Variants in CPAMD8 observed in about 807,000 individuals in gnomAD.
CPAMD8 encodes C3 and PZP like alpha-2-macroglobulin domain containing 8.
CPAMD8 carries 146 observed loss-of-function variants against 224.7 expected under a neutral mutation model. That is an observed-to-expected ratio of 0.65 (90% CI 0.57 to 0.75). CPAMD8 has a LOEUF of 0.75. Among genes scored for constraint, CPAMD8 ranks in the 30% least tolerant of loss-of-function variants. The pLI is 0.00. For missense variants in CPAMD8, 2,301 were observed against 2,537.5 expected, an observed-to-expected ratio of 0.91 and a Z score of 2.00; for synonymous variants, 966 against 1,044.6, an observed-to-expected ratio of 0.92 and a Z score of 1.45.
intron 20 of CPAMD8, 46 bp downstream of exon 20, chr19:16,951,923 C>T (rs761803196): frequency 4.1e-6 from 5 of 1,232,432 alleles, no homozygotes; most frequent in Non-Finnish European, 5.8e-6. Flanking sequence ...GCAGTCCCAA[C>T]TCCCCACTGA....
chr19:17,010,859 C>T (rs1453181859), intron 5 of CPAMD8, among the ~76,000 whole-genome samples: 1 of 151,792 alleles, frequency 6.6e-6, no homozygotes, highest in Non-Finnish European at 1.5e-5. Flanking sequence ...CCCATCTCTA[C>T]TAAAAATACA....
At chr19:17,019,202 C>A (rs966540184) in intron 3 of CPAMD8, among the ~76,000 whole-genome samples, 5 of 152,092 alleles carry the variant, frequency 3.3e-5, no homozygotes, top group Non-Finnish European at 1.5e-5. Context: ...TGGCTCACTG[C>A]AACCTCCGTC....
intron 7 of CPAMD8, among the ~76,000 whole-genome samples, chr19:17,007,620 C>T (rs1027350021): frequency 8.5e-5 from 13 of 152,096 alleles, no homozygotes; most frequent in African/African-American, 3.1e-4. Context: ...GCCTGTGGCT[C>T]TACTGTTACC....
chr19:16,921,644 G>C (rs1466375377), intron 27 of CPAMD8, among the ~76,000 whole-genome samples: 1 of 151,876 alleles, frequency 6.6e-6, no homozygotes, highest in Non-Finnish European at 1.5e-5. Flanking sequence ...CTCCCAAGGG[G>C]CCAGAGAGCA....
intron 32 of CPAMD8, 139 bp from the exon 33 acceptor site, chr19:16,903,996 G>A (rs1267252759): frequency 1.3e-5 from 12 of 937,190 alleles, no homozygotes; most frequent in Non-Finnish European, 1.9e-5. Flanking sequence ...AGACACCCAT[G>A]GCACTGGGGG....
intron 3 of CPAMD8, among the ~76,000 whole-genome samples, chr19:17,018,011 A>G (rs2056856860): frequency 6.7e-6 from 1 of 148,974 alleles, no homozygotes; most frequent in Non-Finnish European, 1.5e-5. Context: ...CCAGCCTGGG[A>G]GAAAAAGCAA....
chr19:17,000,555 A>C, intron 9 of CPAMD8, 33 bp from the exon 10 acceptor site: 12 of 966,798 alleles, frequency 1.2e-5, no homozygotes, highest in Non-Finnish European at 2.0e-5. Context: ...GCTCAATTTC[A>C]CAGCCAAGAT....
Position 16,978,757 on chromosome 19 carries a change from C to T in CPAMD8, c.1586-1217G>A, listed in dbSNP as rs143791127. Among the ~76,000 whole-genome samples, 627 of 152,178 alleles carry T rather than the reference C, an allele frequency of 4.1e-3. 3 individuals carry two copies. Among genetic ancestry groups the T allele is most frequent in the African/African-American group, 0.014 (589 of 41,500 alleles). Reference sequence around the variant, plus strand: ...TCTGTCTGTCTATCTATCCATCCATCCATCTATCCACTCATCTTTCTATCT... The same window carrying T: ...TCTGTCTGTCTATCTATCCATCCATTCATCTATCCACTCATCTTTCTATCT... On this transcript the variant is annotated intron_variant, in intron 14 of 41. Coordinates refer to ENST00000443236, the MANE Select transcript of CPAMD8 (RefSeq NM_015692.5).
chr19:17,015,858 G>A (rs900610821), intron 3 of CPAMD8, among the ~76,000 whole-genome samples: 102 of 152,132 alleles, frequency 6.7e-4, no homozygotes, highest in African/African-American at 2.4e-3. Context: ...AAAGGGGGCC[G>A]ACCCCAAACG....
At position 16,904,564 on chromosome 19, in the gene CPAMD8, G is replaced by A. The variant is rs761877440; in HGVS notation, c.4028-12C>T. 2 of 1,598,192 alleles carry A rather than the reference G, an allele frequency of 1.3e-6. No homozygotes were observed. Among genetic ancestry groups the A allele is most frequent in the Non-Finnish European group, 1.7e-6 (2 of 1,165,416 alleles). On this transcript the variant is annotated splice_polypyrimidine_tract_variant and intron_variant, in intron 30 of 41. Transcript: ENST00000443236. ...GTGGGTGACCCCATCTGCAAGGAAA[G>A]GAGTGGTCAAGAGCTATAACCCACC...
intron 35 of CPAMD8, among the ~76,000 whole-genome samples, chr19:16,902,092 G>C (rs1468623012): frequency 6.6e-6 from 1 of 152,128 alleles, no homozygotes; most frequent in Non-Finnish European, 1.5e-5. Context: ...CTCACTCTTG[G>C]AAACCAAGGG....
Position 16,918,437 on chromosome 19 carries a change from T to A in CPAMD8, c.3629+3468A>T, listed in dbSNP as rs900458269. Among the ~76,000 whole-genome samples, 9 of 136,892 alleles carry A rather than the reference T, an allele frequency of 6.6e-5. No individual in the cohort carries two copies. In the East Asian group the frequency reaches 1.5e-3, roughly 23 times the overall value. 89.8% of individuals were successfully genotyped at this position (136,892 alleles called of 152,430 possible). ...CGTTTTTGGAACTTTGTGGAATTTT[T>A]AAAACTTTTTTTTTTTTTTTTTTTT... On this transcript the variant is annotated intron_variant, in intron 27 of 41. Coordinates refer to ENST00000443236, the MANE Select transcript of CPAMD8 (RefSeq NM_015692.5).
At chr19:17,021,590 T>C (rs2123259184) in intron 2 of CPAMD8, among the ~76,000 whole-genome samples, 1 of 152,008 alleles carries the variant, frequency 6.6e-6, no homozygotes, top group African/African-American at 2.4e-5. Flanking sequence ...GACCAAGGAG[T>C]GAAGGGGAGA....
chr19:16,925,398 G>C, intron 25 of CPAMD8, 26 bp from the exon 26 acceptor site: 1 of 1,585,346 alleles, frequency 6.3e-7, no homozygotes, highest in Admixed American at 1.7e-5. Flanking sequence ...AGAGAGTTGA[G>C]TTGGGGGCTG....
intron 5 of CPAMD8, among the ~76,000 whole-genome samples, chr19:17,011,035 G>GA (rs59681796): frequency 0.053 from 7,890 of 149,946 alleles, 535 homozygotes; most frequent in African/African-American, 0.16. Context: ...AAAAAAAACA[G>GA]AAAAAAAAAT....
intron 11 of CPAMD8, 96 bp from the exon 12 acceptor site, chr19:16,993,682 G>A (rs2056034815): frequency 8.5e-7 from 1 of 1,175,154 alleles, no homozygotes; most frequent in East Asian, 2.5e-5. Flanking sequence ...AATCCCAGCA[G>A]GCTTCTTTGT....
At position 16,967,490 on chromosome 19, in the gene CPAMD8, A is replaced by T. The variant is rs574900063; in HGVS notation, c.2213+3401T>A. On this transcript the variant is annotated intron_variant, in intron 18 of 41. Transcript: ENST00000443236. Reference sequence around the variant, plus strand: ...CCTAGAACTTAAAGTATAATTTTTTAAAAAAAGAAAATACATATATAATTA... The same window carrying T: ...CCTAGAACTTAAAGTATAATTTTTTTAAAAAAGAAAATACATATATAATTA... Among the ~76,000 whole-genome samples the T allele has an allele frequency of 2.2e-3, 339 of 152,170 alleles. 4 individuals are homozygous for T. Among genetic ancestry groups the T allele is most frequent in the Middle Eastern group, 0.02 (6 of 294 alleles).
At chr19:16,974,228 T>A (rs2055172798) in intron 17 of CPAMD8, among the ~76,000 whole-genome samples, 1 of 149,770 alleles carries the variant, frequency 6.7e-6, no homozygotes, top group Non-Finnish European at 1.5e-5. Context: ...GCCTCCCAGG[T>A]TCACGCCATT....
chr19:16,927,886 G>T, intron 25 of CPAMD8, 123 bp downstream of exon 25: 1 of 715,718 alleles, frequency 1.4e-6, no homozygotes, highest in Non-Finnish European at 2.5e-6. Flanking sequence ...AGGTGAGTGG[G>T]TGTATGGGTG....
Sources: gnomAD v4.1 joint callset for allele counts (sites outside exome capture counted in the v4.1 genomes callset) on GRCh38, gnomAD v4.1.1 for gene constraint, MANE v1.5 for transcripts, NCBI Gene and HGNC (gene_info 2026-07-23, HGNC 2026-07-21) for gene names.